SLC16A14: variants seen among roughly 807,000 people sequenced by gnomAD.
SLC16A14 encodes the protein solute carrier family 16 member 14.
A neutral mutation model predicts 35.8 loss-of-function variants in SLC16A14; 14 were observed. The ratio of observed to expected loss-of-function variants is 0.39; its 90% confidence interval spans 0.26 to 0.61. The LOEUF (loss-of-function observed/expected upper bound fraction) is 0.61, where lower values mean the gene tolerates loss of function less well. Ranked by LOEUF, SLC16A14 falls within the 20% of genes least tolerant of loss-of-function variation. SLC16A14 has a pLI of 0.51. For synonymous variants in SLC16A14, 248 were observed against 258.9 expected, an observed-to-expected ratio of 0.96 and a Z score of 0.40; for missense variants, 533 against 655.0, an observed-to-expected ratio of 0.81 and a Z score of 2.03.
At chr2:230,067,534 T>TTCTC (rs145179402) in intron 1 of SLC16A14, among the ~76,000 whole-genome samples, 51 of 128,448 alleles carry the variant, frequency 4.0e-4, no homozygotes, top group African/African-American at 1.2e-3. Flanking sequence ...CTCCCCTCTC[T>TTCTC]TCTCTCTCTC....
In SLC16A14 at chr2:230,055,903, C is replaced by T. The variant is rs571768027; in HGVS notation, c.259+3191G>A. ...AGCTGGATTTTAAGTGTTCTAGAAA[C>T]ACAGTTTTCCTTTACTAACTTATTG... On this transcript the variant is annotated intron_variant, in intron 2 of 4. Transcript: ENST00000295190. Among the ~76,000 whole-genome samples, 5 of 152,238 alleles carry T rather than the reference C, an allele frequency of 3.3e-5. No individual in the cohort carries two copies. In the South Asian group the frequency reaches 1.0e-3, roughly 32 times the overall value.
chr2:230,053,050 T>G (rs2106265035), intron 2 of SLC16A14, among the ~76,000 whole-genome samples: 1 of 152,252 alleles, frequency 6.6e-6, no homozygotes, highest in African/African-American at 2.4e-5. Flanking sequence ...CCAGCGATTC[T>G]CCTGCCTCAG....
rs1276606306 is a variant in SLC16A14 at position 230,038,716 on chromosome 2, C to A, written c.1382-1185G>T. ...AGCCAGGAGTTCGAGACCAGCCTGG[C>A]CAACATGGCAAAACCCCCATCTCTA... On this transcript the variant is annotated intron_variant, in intron 4 of 4. Transcript: ENST00000295190. The surrounding 1 kb of genome is among the most constrained non-coding windows in gnomAD (Gnocchi z 4.4). 6.6e-6 allele frequency among the ~76,000 whole-genome samples: 1 copy of A among 152,030 alleles called. No homozygotes were observed. Among genetic ancestry groups the A allele is most frequent in the African/African-American group, 2.4e-5 (1 of 41,394 alleles).
At chr2:230,061,898 C>A (rs2077754760) in intron 1 of SLC16A14, among the ~76,000 whole-genome samples, 1 of 152,060 alleles carries the variant, frequency 6.6e-6, no homozygotes, top group Admixed American at 6.6e-5. Flanking sequence ...TGTGCCACCA[C>A]ACCTGGCTAA....
intron 1 of SLC16A14, among the ~76,000 whole-genome samples, chr2:230,065,677 T>C (rs2077789510): frequency 6.6e-6 from 1 of 152,212 alleles, no homozygotes; most frequent in Non-Finnish European, 1.5e-5. Flanking sequence ...GGTTAACTTC[T>C]AGACCAACTA....
chr2:230,063,775 C>T (rs1437509095), intron 1 of SLC16A14, among the ~76,000 whole-genome samples: 1 of 152,118 alleles, frequency 6.6e-6, no homozygotes, highest in African/African-American at 2.4e-5. Flanking sequence ...CCAGTAATTT[C>T]CCGCTTCTTT....
intron 2 of SLC16A14, among the ~76,000 whole-genome samples, chr2:230,053,515 G>T (rs966374828): frequency 1.3e-5 from 2 of 152,150 alleles, no homozygotes; most frequent in African/African-American, 4.8e-5. Context: ...AGGTGTGGTG[G>T]TTCACACCTG....
At position 230,058,294 on chromosome 2, in the gene SLC16A14, G is replaced by A. The variant is rs1435862751; in HGVS notation, c.259+800C>T. 2.6e-5 allele frequency: 4 copies of A among 151,616 alleles called. No individual in the cohort carries two copies. In the East Asian group the frequency reaches 7.7e-4, roughly 29 times the overall value. 9.4% of individuals were successfully genotyped at this position (151,616 alleles called of 1,614,324 possible). On this transcript the variant is annotated intron_variant, in intron 2 of 4. Transcript: ENST00000295190. ...ACTTTAGTGACACTAATATTAATAA[G>A]TTCTGATAATCCACTACCACTGGAC...
intron 4 of SLC16A14, among the ~76,000 whole-genome samples, chr2:230,043,924 A>C (rs1339497624): frequency 6.6e-6 from 1 of 152,182 alleles, no homozygotes; most frequent in Non-Finnish European, 1.5e-5. Flanking sequence ...TCTCTGGTTA[A>C]TTTGCTTCTT....
chr2:230,065,776 T>C (rs2077790527), intron 1 of SLC16A14, among the ~76,000 whole-genome samples: 2 of 152,062 alleles, frequency 1.3e-5, no homozygotes, highest in Admixed American at 1.3e-4. Context: ...TATATACATG[T>C]ATAATTATAT....
At chr2:230,050,050 T>G (rs6748654) in intron 2 of SLC16A14, 146 bp from the exon 3 acceptor site, 1 of 864,014 alleles carries the variant, frequency 1.2e-6, no homozygotes, top group Non-Finnish European at 1.7e-6. Context: ...ATGCCAAACA[T>G]TTTTAGCATG....
chr2:230,052,362 G>A (rs2077668448), intron 2 of SLC16A14, among the ~76,000 whole-genome samples: 1 of 152,198 alleles, frequency 6.6e-6, no homozygotes, highest in South Asian at 2.1e-4. Flanking sequence ...CATACCGTAA[G>A]TTAGAGATAC....
chr2:230,049,185 T>A lies in SLC16A14; in HGVS notation c.403+576A>T, dbSNP rs1030355189. On this transcript the variant is annotated intron_variant, in intron 3 of 4. Coordinates refer to ENST00000295190, the MANE Select transcript of SLC16A14 (RefSeq NM_152527.5). ...CCTGGGTTAAAACTATTCTCATATCTTAGCCTGCTGAGGAGCTGGGATTAC... is the reference window on the plus strand; with the variant it reads ...CCTGGGTTAAAACTATTCTCATATCATAGCCTGCTGAGGAGCTGGGATTAC... 1.8e-4 allele frequency among the ~76,000 whole-genome samples: 27 copies of A among 151,218 alleles called. 1 individual carries two copies. Among genetic ancestry groups the A allele is most frequent in the Non-Finnish European group, 1.3e-4 (9 of 67,874 alleles).
At position 230,049,880 on chromosome 2, in the gene SLC16A14, T is replaced by TTAA; in HGVS notation, c.281_283dup (p.Ile94dup). 1 of 1,614,038 alleles carries TTAA rather than the reference T, an allele frequency of 6.2e-7. No individual in the cohort carries two copies. The highest frequency in any genetic ancestry group is 8.5e-7 in the Non-Finnish European group (1 of 1,180,004). ...CGCAGTCTGGCGGCACCCACAGGTG[T>TTAA]TAATGAACAAGCCGATGAAAGGGCC... is the stretch of plus-strand genomic sequence containing the variant. On this transcript the variant is annotated inframe_insertion, in exon 3 of 5. Coordinates refer to ENST00000295190, the MANE Select transcript of SLC16A14 (RefSeq NM_152527.5).
intron 3 of SLC16A14, among the ~76,000 whole-genome samples, chr2:230,048,036 GTTA>G (rs929525922): frequency 1.6e-4 from 25 of 152,106 alleles, no homozygotes; most frequent in Non-Finnish European, 3.4e-4. Flanking sequence ...TGGACAGTAG[GTTA>G]TTATGTTCAC....
chr2:230,044,700 G>A (rs2077587185), intron 4 of SLC16A14, among the ~76,000 whole-genome samples: 1 of 143,122 alleles, frequency 7.0e-6, no homozygotes, highest in South Asian at 2.3e-4. Context: ...TAATAAGTCT[G>A]TATTTGTGTG....
rs1229333995 is a variant in SLC16A14, at chr2:230,050,895, A to AGGC, written c.260-992_260-991insGCC. On this transcript the variant is annotated intron_variant, in intron 2 of 4. Coordinates refer to ENST00000295190, the MANE Select transcript of SLC16A14 (RefSeq NM_152527.5). Reference sequence around the variant, plus strand: ...GGGAGTACAGGAAGGGAGTCTTCAGAACTCCTGGGCTTCAGGCAGAAAACT... The same window carrying AGGC: ...GGGAGTACAGGAAGGGAGTCTTCAGAGGCACTCCTGGGCTTCAGGCAGAAAACT... Among the ~76,000 whole-genome samples the AGGC allele has an allele frequency of 6.6e-5, 10 of 152,290 alleles. No homozygotes were observed. In the East Asian group the frequency reaches 1.2e-3, roughly 18 times the overall value.
intron 4 of SLC16A14, among the ~76,000 whole-genome samples, chr2:230,042,843 C>T (rs1408404939): frequency 6.6e-6 from 1 of 152,136 alleles, no homozygotes; most frequent in Non-Finnish European, 1.5e-5. Flanking sequence ...TGGGACTGAG[C>T]CTTTCCCCAC....
chr2:230,058,641 T>A (rs538915961), intron 2 of SLC16A14, among the ~76,000 whole-genome samples: 35 of 152,064 alleles, frequency 2.3e-4, no homozygotes, highest in South Asian at 1.0e-3. Context: ...TAAAATTATT[T>A]TTTTTTTTTG....
Sources: gnomAD v4.1 joint callset for allele counts (sites outside exome capture counted in the v4.1 genomes callset) on GRCh38, gnomAD v4.1.1 for gene constraint, Gnocchi (gnomAD v3.1) non-coding constraint, MANE v1.5 for transcripts, NCBI Gene and HGNC (gene_info 2026-07-23, HGNC 2026-07-21) for gene names.